Variants in NAA35 observed in about 807,000 individuals in gnomAD.
NAA35 encodes the protein N-alpha-acetyltransferase 35, NatC auxiliary subunit, also known as MAK10 homolog, amino-acid N-acetyltransferase subunit.
A neutral mutation model predicts 101.7 loss-of-function variants in NAA35; 18 were observed. The observed-to-expected ratio is 0.18, with a 90% CI of 0.12 to 0.26. The LOEUF (loss-of-function observed/expected upper bound fraction) is 0.26, where lower values mean the gene tolerates loss of function less well. Ranked by LOEUF, NAA35 falls within the 10% of genes least tolerant of loss-of-function variation. NAA35 has a pLI of 1.00. For synonymous variants in NAA35, 267 were observed against 273.1 expected, an observed-to-expected ratio of 0.98 and a Z score of 0.22; for missense variants, 601 against 886.8, an observed-to-expected ratio of 0.68 and a Z score of 4.09.
intron 15 of NAA35, 114 bp downstream of exon 15, chr9:86,010,045 G>GT: frequency 1.3e-6 from 1 of 759,292 alleles, no homozygotes; most frequent in South Asian, 1.5e-5. Flanking sequence ...GAGGTCAGGA[G>GT]TTTGAGACCA....
chr9:86,007,515 C>A, intron 14 of NAA35, 51 bp downstream of exon 14: 1 of 1,357,438 alleles, frequency 7.4e-7, no homozygotes. Context: ...CCTTTAAAAG[C>A]CCAACTTCTC....
At chr9:85,977,739 T>A (rs186667899) in intron 10 of NAA35, among the ~76,000 whole-genome samples, 1 of 152,288 alleles carries the variant, frequency 6.6e-6, no homozygotes, top group East Asian at 1.9e-4. Flanking sequence ...AGGCCTAGTC[T>A]TACCTTCAGT....
rs1173706353 is a variant in NAA35, at chr9:85,955,327, C to CAT, written c.125-1000_125-999dup. 1.4e-3 allele frequency among the ~76,000 whole-genome samples: 120 copies of CAT among 82,862 alleles called. 5 individuals carry two copies. The highest frequency in any genetic ancestry group is 0.013 in the East Asian group (31 of 2,386). 54.4% of individuals were successfully genotyped at this position (82,862 alleles called of 152,430 possible). On this transcript the variant is annotated intron_variant, in intron 2 of 22. Coordinates refer to ENST00000361671, the MANE Select transcript of NAA35 (RefSeq NM_024635.4). Reference sequence around the variant, plus strand: ...TCCACAGGATTTAGCCATCTATATACATATATATATATATATATATATATA... The same window carrying CAT: ...TCCACAGGATTTAGCCATCTATATACATATATATATATATATATATATATATA...
chr9:86,023,834 T>C lies in NAA35; in HGVS notation c.*1874T>C, dbSNP rs1170184621. ...ACTGACAGAATCATGTGGTTTCCTTTAAGTAGCTTTAATTTTTGGTTTTTA... is the reference window on the plus strand; with the variant it reads ...ACTGACAGAATCATGTGGTTTCCTTCAAGTAGCTTTAATTTTTGGTTTTTA... On this transcript the variant is annotated 3_prime_UTR_variant, in exon 23 of 23. Transcript: ENST00000361671. Among the ~76,000 whole-genome samples, 1 of 152,254 alleles carries C rather than the reference T, an allele frequency of 6.6e-6. No homozygotes were observed. The highest frequency in any genetic ancestry group is 1.5e-5 in the Non-Finnish European group (1 of 68,044).
intron 11 of NAA35, among the ~76,000 whole-genome samples, 164 bp from the exon 12 acceptor site, chr9:85,996,235 A>G (rs907384404): frequency 1.3e-5 from 2 of 152,178 alleles, no homozygotes; most frequent in African/African-American, 2.4e-5. Context: ...TAAAAAATGT[A>G]TATGTATAGA....
chr9:85,953,873 T>G (rs1483888535), intron 2 of NAA35, among the ~76,000 whole-genome samples: 1 of 152,224 alleles, frequency 6.6e-6, no homozygotes, highest in African/African-American at 2.4e-5. Flanking sequence ...CCTTCCTTTT[T>G]AAGACTGAAT....
rs1480377742 is a variant in NAA35 at position 85,992,187 on chromosome 9, T to A, written c.878-4212T>A. On this transcript the variant is annotated intron_variant, in intron 11 of 22. Transcript: ENST00000361671. Reference sequence around the variant, plus strand: ...AGACTCCGTCTCAAAAAAAAAAAAATAATAAAAAATAAATGAATAAAATAA... The same window carrying A: ...AGACTCCGTCTCAAAAAAAAAAAAAAAATAAAAAATAAATGAATAAAATAA... 4.0e-3 allele frequency among the ~76,000 whole-genome samples: 496 copies of A among 124,156 alleles called. 2 individuals carry two copies. The highest frequency in any genetic ancestry group is 0.012 in the African/African-American group (417 of 34,290). 81.5% of individuals were successfully genotyped at this position (124,156 alleles called of 152,430 possible). A position where few individuals can be genotyped will look rare whatever the true frequency, so the allele number is the denominator to read the frequency against.
chr9:85,959,382 A>C (rs1020961075), intron 4 of NAA35, among the ~76,000 whole-genome samples: 1 of 151,216 alleles, frequency 6.6e-6, no homozygotes, highest in Non-Finnish European at 1.5e-5. Context: ...GTCTCAAAAA[A>C]AAAAAAACAA....
At chr9:85,973,629 C>G (rs1377020806) in intron 6 of NAA35, among the ~76,000 whole-genome samples, 1 of 152,052 alleles carries the variant, frequency 6.6e-6, no homozygotes, top group African/African-American at 2.4e-5. Context: ...ATGGTAAACA[C>G]TAGGAAGTAG....
chr9:85,999,554 A>C (rs1046431746), intron 12 of NAA35, among the ~76,000 whole-genome samples: 3 of 152,196 alleles, frequency 2.0e-5, no homozygotes, highest in Non-Finnish European at 4.4e-5. Flanking sequence ...ATTGTTGGTC[A>C]ATTTCACTGA....
intron 13 of NAA35, among the ~76,000 whole-genome samples, chr9:86,004,215 G>C (rs375174629): frequency 4.6e-5 from 7 of 152,050 alleles, no homozygotes; most frequent in African/African-American, 1.7e-4. Context: ...AGTGATTCTT[G>C]TGCCTCAGCC....
chr9:85,956,982 AC>A (rs1829305514), intron 3 of NAA35, among the ~76,000 whole-genome samples: 1 of 152,026 alleles, frequency 6.6e-6, no homozygotes, highest in Non-Finnish European at 1.5e-5. Context: ...AAGAGAGAGA[AC>A]CCGAGGAAGT....
chr9:85,963,809 G>T (rs1001241399), intron 6 of NAA35, among the ~76,000 whole-genome samples: 2 of 152,156 alleles, frequency 1.3e-5, no homozygotes, highest in African/African-American at 4.8e-5. Flanking sequence ...AACAGTGTGT[G>T]AACAAGGTGA....
chr9:85,978,732 A>T (rs1178042964), intron 11 of NAA35, among the ~76,000 whole-genome samples: 1 of 152,188 alleles, frequency 6.6e-6, no homozygotes, highest in East Asian at 1.9e-4. Flanking sequence ...AAGTGGAAGG[A>T]TGACAGCTGT....
Position 86,013,803 on chromosome 9 carries a change from G to C in NAA35, c.1474G>C (p.Val492Leu), listed in dbSNP as rs1202483021. Reference sequence around the variant, plus strand: ...ACATTTGGCCTGTTTAGGTACCTGGGTCCTTTACCATAACCTTCGCATTAT... The same window carrying C: ...ACATTTGGCCTGTTTAGGTACCTGGCTCCTTTACCATAACCTTCGCATTAT... The part of the protein sequence containing the change: ...RQHLACLGTW[V>L]LYHNLRIMIQ... The change falls in exon 17 of 23, where the codon GTC becomes CTC. Residue 492 changes from valine to leucine, a missense_variant. Physicochemically the swap from Val to Leu is conservative, Grantham distance 32 (BLOSUM62 1). Transcript: ENST00000361671. 1.2e-6 allele frequency: 2 copies of C among 1,613,970 alleles called. No homozygotes were observed. Among genetic ancestry groups the C allele is most frequent in the African/African-American group, 2.7e-5 (2 of 74,894 alleles).
chr9:86,010,687 G>GCCTCAGC (rs1297802068), intron 15 of NAA35, among the ~76,000 whole-genome samples: 1 of 147,974 alleles, frequency 6.8e-6, no homozygotes, highest in Non-Finnish European at 1.5e-5. Flanking sequence ...CCATTCTCCT[G>GCCTCAGC]CCTCAGCCTC....
intron 2 of NAA35, among the ~76,000 whole-genome samples, chr9:85,950,866 G>A (rs1828988111): frequency 6.6e-6 from 1 of 152,116 alleles, no homozygotes; most frequent in African/African-American, 2.4e-5. Context: ...GCCGGGCACG[G>A]TGGCTCACGC....
At chr9:85,950,184 G>A (rs1476470568) in intron 2 of NAA35, among the ~76,000 whole-genome samples, 1 of 152,164 alleles carries the variant, frequency 6.6e-6, no homozygotes, top group Non-Finnish European at 1.5e-5. Flanking sequence ...CTTGTACTCT[G>A]CTTCATGAGT....
At chr9:85,943,732 A>G (rs535644120) in intron 2 of NAA35, among the ~76,000 whole-genome samples, 50 of 152,298 alleles carry the variant, frequency 3.3e-4, no homozygotes, top group African/African-American at 1.2e-3. Context: ...ACTGATTTTA[A>G]GTAATCTCTA....
Sources: gnomAD v4.1 joint callset for allele counts (sites outside exome capture counted in the v4.1 genomes callset) on GRCh38, gnomAD v4.1.1 for gene constraint, MANE v1.5 for transcripts, NCBI Gene and HGNC (gene_info 2026-07-23, HGNC 2026-07-21) for gene names.